KRT86: variants seen among roughly 807,000 people sequenced by gnomAD.
KRT86 encodes the protein keratin, type II cuticular Hb6.
A neutral mutation model predicts 41.2 loss-of-function variants in KRT86; 30 were observed. The ratio of observed to expected loss-of-function variants is 0.73; its 90% CI spans 0.54 to 0.99. The LOEUF (loss-of-function observed/expected upper bound fraction) is 0.99, where lower values mean the gene tolerates loss of function less well. KRT86 is among the 50% of genes least tolerant of loss of function. The pLI is 0.00. For synonymous variants in KRT86, 238 were observed against 238.1 expected (o/e 1.00, Z 0.00); for missense variants, 561 against 571.4 (o/e 0.98, Z 0.19).
intron 9 of KRT86, 45 bp from the exon 10 acceptor site, chr12:52,308,188 G>T (rs201698711): frequency 6.2e-7 from 1 of 1,613,798 alleles, no homozygotes; most frequent in East Asian, 2.2e-5. Context: ...ACGGGGGCCC[G>T]GCGCCTTTTC....
intron 2 of KRT86, among the ~76,000 whole-genome samples, chr12:52,282,563 C>T (rs1367651534): frequency 1.3e-5 from 2 of 152,210 alleles, no homozygotes; most frequent in African/African-American, 4.8e-5. Flanking sequence ...AAAGAAAGCT[C>T]TCCAAAGTCC....
intron 2 of KRT86, among the ~76,000 whole-genome samples, chr12:52,282,707 G>A (rs1466008575): frequency 6.6e-6 from 1 of 152,158 alleles, no homozygotes; most frequent in African/African-American, 2.4e-5. Context: ...ACCCCCAGCA[G>A]CATCTGCCCA....
In KRT86 at chr12:52,305,024, G is replaced by C. The variant is rs78831098; in HGVS notation, c.732G>C (p.Glu244Asp). 1,041 of 1,613,970 alleles carry C rather than the reference G, an allele frequency of 6.4e-4. 11 individuals carry two copies. The African/African-American group carries it at 0.013, about 20-fold the overall frequency. ...QEIDFLRRLY[E>D]EEIRVLQSHI... is the part of the protein sequence containing the mutation. ...TCGACTTCCTGAGGCGGCTGTATGA[G>C]GAGGTGCGGGCTCAGGGGCCAGGCA... is the stretch of plus-strand genomic sequence containing the variant. The change falls in exon 6 of 11, where the codon GAG (glutamate) becomes GAC (aspartate). Residue 244 changes from glutamate (E) to aspartate (D), a missense_variant. Around this residue, in one of 3 missense-constraint regions of KRT86, gnomAD observed 397 missense variants for 375.9 expected, o/e 1.06. Coordinates refer to ENST00000423955, the MANE Select transcript of KRT86 (RefSeq NM_001320198.2).
intron 2 of KRT86, among the ~76,000 whole-genome samples, chr12:52,284,348 C>T (rs1248169513): frequency 1.3e-5 from 2 of 152,146 alleles, no homozygotes; most frequent in East Asian, 1.9e-4. Flanking sequence ...CACCACGTCG[C>T]CCAGCTAATA....
At chr12:52,304,433 T>A (rs1335659162) in intron 5 of KRT86, among the ~76,000 whole-genome samples, 1 of 139,776 alleles carries the variant, frequency 7.2e-6, no homozygotes. Flanking sequence ...GTTCCAGAGG[T>A]TGTGGTCTAT....
chr12:52,296,462 G>A (rs574379292), intron 2 of KRT86, among the ~76,000 whole-genome samples: 6 of 152,304 alleles, frequency 3.9e-5, no homozygotes, highest in African/African-American at 1.2e-4. Context: ...GACATGGGGC[G>A]AGGGAGGTGC....
intron 2 of KRT86, among the ~76,000 whole-genome samples, chr12:52,280,024 A>G (rs1937735744): frequency 6.6e-6 from 1 of 152,148 alleles, no homozygotes; most frequent in Non-Finnish European, 1.5e-5. Context: ...GCCTTCTATC[A>G]CCCTGATGGG....
intron 2 of KRT86, among the ~76,000 whole-genome samples, chr12:52,283,164 G>C (rs1047261063): frequency 6.6e-6 from 1 of 152,054 alleles, no homozygotes; most frequent in African/African-American, 2.4e-5. Context: ...GGGAGGCTGA[G>C]GTGGGTGGAT....
intron 2 of KRT86, chr12:52,286,643 GTCT>G: frequency 8.5e-7 from 1 of 1,174,794 alleles, no homozygotes; most frequent in Non-Finnish European, 1.2e-6. Flanking sequence ...AAGAGCTGGG[GTCT>G]TTTGGATGTC....
intron 2 of KRT86, among the ~76,000 whole-genome samples, chr12:52,282,528 G>T (rs866796273): frequency 1.3e-5 from 2 of 152,300 alleles, no homozygotes; most frequent in Middle Eastern, 6.8e-3. Context: ...GAGCCACCGC[G>T]CCCGGCCAAG....
At chr12:52,292,112 C>CT (rs1938144451) in intron 2 of KRT86, among the ~76,000 whole-genome samples, 1 of 152,132 alleles carries the variant, frequency 6.6e-6, no homozygotes, top group African/African-American at 2.4e-5. Flanking sequence ...TGTCTTTTAT[C>CT]TTTTTTATGA....
intron 3 of KRT86, 53 bp downstream of exon 3, chr12:52,302,338 G>A: frequency 2.0e-6 from 1 of 496,714 alleles, no homozygotes; most frequent in Middle Eastern, 4.7e-4. Flanking sequence ...ACACAGCCAG[G>A]GCCGGGCACT....
chr12:52,287,599 G>C, intron 2 of KRT86: 1 of 1,613,912 alleles, frequency 6.2e-7, no homozygotes, highest in Non-Finnish European at 8.5e-7. Flanking sequence ...CCCATACCTG[G>C]CACTTGGCAT....
chr12:52,286,319 A>ACGC, intron 2 of KRT86: 1 of 1,554,454 alleles, frequency 6.4e-7, no homozygotes, highest in South Asian at 1.2e-5. Context: ...ACAGGAGCCC[A>ACGC]CGCCGCAGGA....
intron 2 of KRT86, among the ~76,000 whole-genome samples, chr12:52,282,514 G>C (rs1030497987): frequency 6.6e-6 from 1 of 152,194 alleles, no homozygotes; most frequent in African/African-American, 2.4e-5. Context: ...GGGATTACAG[G>C]CGTGAGCCAC....
intron 3 of KRT86, among the ~76,000 whole-genome samples, chr12:52,302,732 C>T (rs866536857): frequency 6.8e-3 from 771 of 112,682 alleles, no homozygotes; most frequent in South Asian, 0.013. Flanking sequence ...TCCCCAGAAA[C>T]CTCATCTGTG....
At position 52,305,899 on chromosome 12, in the gene KRT86, A is replaced by G. The variant is rs543535302; in HGVS notation, c.1026+111A>G. On this transcript the variant is annotated intron_variant, in intron 8 of 10. Transcript: ENST00000423955. ...CATTCATTCTCCAGCCCCTCTGTCC[A>G]TGTAGAGTCCCTGGTTGTGGTCTCT... 100 of 1,598,436 alleles carry G rather than the reference A, an allele frequency of 6.3e-5. No homozygotes were observed. The Middle Eastern group carries it at 1.8e-3, about 30-fold the overall frequency.
Position 52,305,966 on chromosome 12 carries a change from T to A in KRT86, c.1027-94T>A, listed in dbSNP as rs1938505043. The A allele has an allele frequency of 3.8e-6, 6 of 1,576,096 alleles. No homozygotes were observed. In the South Asian group the frequency reaches 6.8e-5, roughly 18 times the overall value. On this transcript the variant is annotated intron_variant, in intron 8 of 10. Coordinates refer to ENST00000423955, the MANE Select transcript of KRT86 (RefSeq NM_001320198.2). ...GAAGGCAAGAGGCTCTGTTCTGGGG[T>A]GCTCCCAGCTTGGTGGGGAGCATGG...
At chr12:52,287,296 G>C in intron 2 of KRT86, 1 of 1,613,190 alleles carries the variant, frequency 6.2e-7, no homozygotes, top group Non-Finnish European at 8.5e-7. Flanking sequence ...GCTCAGACTG[G>C]GCCACCGCGG....
Sources: gnomAD v4.1 joint callset for allele counts (sites outside exome capture counted in the v4.1 genomes callset) on GRCh38, gnomAD v4.1.1 for gene constraint, gnomAD v4.1.1 regional missense constraint, MANE v1.5 for transcripts, NCBI Gene and HGNC (gene_info 2026-07-23, HGNC 2026-07-21) for gene names.